The following CNTNAP2 variants were observed in gnomAD, a reference collection of about 807,000 sequenced individuals.
CNTNAP2 encodes contactin associated protein 2, also known as contactin-associated protein-like 2.
Under a neutral mutation model 155.2 loss-of-function variants are expected in CNTNAP2, and 98 were observed. The observed-to-expected ratio is 0.63, with a 90% CI of 0.54 to 0.75. The LOEUF is 0.75. Ranked by LOEUF, CNTNAP2 falls within the 30% of genes least tolerant of loss-of-function variation. The pLI is 0.00. For synonymous variants in CNTNAP2, 651 were observed against 631.2 expected, an observed-to-expected ratio of 1.03 and a Z score of -0.47; for missense variants, 1,727 against 1,688.1, an observed-to-expected ratio of 1.02 and a Z score of -0.40.
chr7:147,392,384 T>G (rs1223923938), intron 9 of CNTNAP2, among the ~76,000 whole-genome samples: 2 of 152,166 alleles, frequency 1.3e-5, no homozygotes, highest in African/African-American at 2.4e-5. Flanking sequence ...CATAGGTTTT[T>G]GGGGGAACAG....
At chr7:146,247,955 C>T (rs1004655244) in intron 1 of CNTNAP2, among the ~76,000 whole-genome samples, 3 of 146,866 alleles carry the variant, frequency 2.0e-5, no homozygotes, top group South Asian at 4.4e-4. Context: ...GGTCAGGGCA[C>T]GGAAATAAGG....
At chr7:147,477,334 T>C (rs1798340679) in intron 10 of CNTNAP2, among the ~76,000 whole-genome samples, 1 of 152,200 alleles carries the variant, frequency 6.6e-6, no homozygotes, top group Admixed American at 6.5e-5. Flanking sequence ...TGATTATCAC[T>C]GGTTTCTACA....
intron 1 of CNTNAP2, among the ~76,000 whole-genome samples, chr7:146,656,962 C>T (rs569018199): frequency 5.3e-5 from 8 of 152,158 alleles, no homozygotes; most frequent in Non-Finnish European, 8.8e-5. Context: ...TTCAATGCCT[C>T]TTTTTGTCCA....
intron 1 of CNTNAP2, among the ~76,000 whole-genome samples, chr7:146,568,284 T>G (rs1798388528): frequency 6.6e-6 from 1 of 152,210 alleles, no homozygotes; most frequent in Non-Finnish European, 1.5e-5. Flanking sequence ...CAACAAAAAC[T>G]TTAGTCAGAT....
chr7:147,769,697 C>A (rs1797437995), intron 13 of CNTNAP2, among the ~76,000 whole-genome samples: 1 of 152,096 alleles, frequency 6.6e-6, no homozygotes, highest in Non-Finnish European at 1.5e-5. Flanking sequence ...CTATAAAGAC[C>A]ATTGTTTGGC....
intron 4 of CNTNAP2, among the ~76,000 whole-genome samples, chr7:147,093,954 G>A (rs572275381): frequency 3.9e-4 from 59 of 152,130 alleles, no homozygotes; most frequent in Non-Finnish European, 6.6e-4. Context: ...CCCAAGCCCC[G>A]AATATCCTGC....
At chr7:147,328,856 C>T (rs774334330) in intron 9 of CNTNAP2, among the ~76,000 whole-genome samples, 3 of 152,052 alleles carry the variant, frequency 2.0e-5, no homozygotes, top group Admixed American at 2.0e-4. Context: ...GACACAGTAA[C>T]TTTACCATGA....
chr7:146,215,479 A>G (rs187332483), intron 1 of CNTNAP2, among the ~76,000 whole-genome samples: 1 of 152,246 alleles, frequency 6.6e-6, no homozygotes, highest in East Asian at 1.9e-4. Context: ...TCGTTATGTG[A>G]TTGAACCTCA....
chr7:147,733,799 CTT>C (rs1796789069), intron 13 of CNTNAP2, among the ~76,000 whole-genome samples: 1 of 152,116 alleles, frequency 6.6e-6, no homozygotes, highest in Non-Finnish European at 1.5e-5. Context: ...TGGGAATTTA[CTT>C]GTGATTTGGC....
chr7:148,242,907 C>T (rs911568113), intron 20 of CNTNAP2, among the ~76,000 whole-genome samples: 8 of 152,138 alleles, frequency 5.3e-5, no homozygotes, highest in African/African-American at 1.9e-4. Context: ...GCTTGGTGAG[C>T]TAATAATTGC....
rs538659821 is a variant in CNTNAP2, at chr7:147,245,474, A to G, written c.1349-54667A>G. On this transcript the variant is annotated intron_variant, in intron 8 of 23. Coordinates refer to ENST00000361727, the MANE Select transcript of CNTNAP2 (RefSeq NM_014141.6). ...CGGGTTGGTCCAGACAGCCACTGCC[A>G]GTCCACTAGAGGGAGCACTTGAGAG... Among the ~76,000 whole-genome samples the G allele has an allele frequency of 9.9e-5, 15 of 152,160 alleles. No individual in the cohort carries two copies. In the East Asian group the frequency reaches 2.7e-3, roughly 28 times the overall value.
At chr7:147,219,596 TG>T (rs1275259889) in intron 8 of CNTNAP2, among the ~76,000 whole-genome samples, 1 of 152,204 alleles carries the variant, frequency 6.6e-6, no homozygotes, top group Admixed American at 6.5e-5. Context: ...AGATTGAAGG[TG>T]GGTCTGCCTC....
chr7:146,483,444 G>T (rs547734689), intron 1 of CNTNAP2, among the ~76,000 whole-genome samples: 2 of 149,346 alleles, frequency 1.3e-5, no homozygotes, highest in South Asian at 2.1e-4. Context: ...TATTGCCAAA[G>T]GAAGAGTTCA....
intron 2 of CNTNAP2, among the ~76,000 whole-genome samples, chr7:146,794,545 G>C (rs1028643874): frequency 3.3e-5 from 5 of 152,058 alleles, no homozygotes; most frequent in Non-Finnish European, 7.4e-5. Context: ...CCCAAAGTGG[G>C]GATTAAAGTA....
intron 2 of CNTNAP2, among the ~76,000 whole-genome samples, chr7:146,797,349 A>G (rs1802789535): frequency 6.6e-6 from 1 of 152,156 alleles, no homozygotes; most frequent in South Asian, 2.1e-4. Flanking sequence ...GTGATGGAGA[A>G]GATTGTATGG....
chr7:146,710,072 C>T (rs1005884014), intron 1 of CNTNAP2, among the ~76,000 whole-genome samples: 2 of 152,124 alleles, frequency 1.3e-5, no homozygotes, highest in Admixed American at 6.6e-5. Context: ...GGCCCATCAG[C>T]GAAGGCAGAG....
At chr7:148,351,117 C>T (rs903738748) in intron 21 of CNTNAP2, among the ~76,000 whole-genome samples, 2 of 152,102 alleles carry the variant, frequency 1.3e-5, no homozygotes, top group Non-Finnish European at 2.9e-5. Context: ...CAGTTTAATA[C>T]GTGATAAGTT....
chr7:146,736,196 T>C (rs937524811), intron 1 of CNTNAP2, among the ~76,000 whole-genome samples: 1 of 151,882 alleles, frequency 6.6e-6, no homozygotes, highest in African/African-American at 2.4e-5. Context: ...CACTGGGCCG[T>C]TTGACATAAG....
intron 8 of CNTNAP2, among the ~76,000 whole-genome samples, chr7:147,152,222 A>G (rs1054483398): frequency 2.0e-5 from 3 of 152,008 alleles, no homozygotes; most frequent in Admixed American, 1.3e-4. Flanking sequence ...TAGTCAGAAA[A>G]GCACCTAATG....
Sources: allele counts gnomAD v4.1 joint callset (sites outside exome capture counted in the v4.1 genomes callset), GRCh38; gene constraint gnomAD v4.1.1; transcripts MANE v1.5; gene names NCBI Gene and HGNC (gene_info 2026-07-23, HGNC 2026-07-21).